Variants in CMIP observed in about 807,000 individuals in gnomAD.
CMIP encodes the protein c-Maf inducing protein, also known as C-Maf-inducing protein.
In CMIP, 13 loss-of-function variants were observed where a neutral mutation model predicts 97.3. The ratio of observed to expected loss-of-function variants is 0.13; its 90% confidence interval spans 0.09 to 0.21. CMIP has a LOEUF of 0.21. Ranked by LOEUF, CMIP falls within the 10% of genes least tolerant of loss-of-function variation. The pLI, the probability that CMIP is intolerant of heterozygous loss-of-function variation, is 1.00. For synonymous variants in CMIP, 538 were observed against 436.3 expected (o/e 1.23, Z -2.91); for missense variants, 847 against 1,024.9 (o/e 0.83, Z 2.37).
At chr16:81,596,527 A>AT (rs1448178797) in intron 1 of CMIP, among the ~76,000 whole-genome samples, 1 of 151,258 alleles carries the variant, frequency 6.6e-6, no homozygotes, top group African/African-American at 2.4e-5. Context: ...AAAAAAAAAA[A>AT]TTTCAATTGG....
intron 18 of CMIP, 96 bp downstream of exon 18, chr16:81,704,181 G>T: frequency 1.2e-6 from 1 of 868,430 alleles, no homozygotes; most frequent in Non-Finnish European, 1.6e-6. Flanking sequence ...TTTCCCCTCA[G>T]CCTCCTCCCT....
chr16:81,706,657 G>C (rs1018078083), intron 19 of CMIP, among the ~76,000 whole-genome samples: 1 of 152,204 alleles, frequency 6.6e-6, no homozygotes, highest in South Asian at 2.1e-4. Context: ...GACGACGGGG[G>C]GACCATCCGG....
In CMIP at chr16:81,652,685, G is replaced by A. The variant is rs1402492323; in HGVS notation, c.639+321G>A. 6.6e-6 allele frequency among the ~76,000 whole-genome samples: 1 copy of A among 152,146 alleles called. No homozygotes were observed. Among genetic ancestry groups the A allele is most frequent in the Non-Finnish European group, 1.5e-5 (1 of 68,020 alleles). On this transcript the variant is annotated intron_variant, in intron 4 of 20. Coordinates refer to ENST00000537098, the MANE Select transcript of CMIP (RefSeq NM_198390.3). The surrounding 1 kb of genome is among the most constrained non-coding windows in gnomAD (Gnocchi z 5.2). ...CCACATGAGCTCCAGGGGTCCAGGG[G>A]GATTCAGCTTTCTGCCCTCGTCACC...
intron 1 of CMIP, among the ~76,000 whole-genome samples, chr16:81,447,474 A>G (rs1597439454): frequency 6.6e-6 from 1 of 152,072 alleles, no homozygotes; most frequent in South Asian, 2.1e-4. Context: ...TCTGAGAGAA[A>G]GAGGGAAGGA....
rs372097543 is a variant in CMIP, at chr16:81,678,506, C to T, written c.1266C>T (p.Asn422=). Residue 422 remains asparagine, a synonymous_variant, in exon 10 of 21, where the codon AAC becomes AAT. Transcript: ENST00000537098. The stretch of plus-strand genomic sequence containing the variant: ...CGGCGCTGACGGCCAGCGCAGGCAA[C>T]GACAGCGAGCCCAACCTCATCGACT... ...AKPALTASAG[N]DSEPNLIDCL... The T allele has an allele frequency of 1.1e-5, 18 of 1,601,044 alleles. No homozygotes were observed. The African/African-American group carries it at 1.3e-4, about 12-fold the overall frequency.
At chr16:81,580,084 G>T (rs2091270171) in intron 1 of CMIP, among the ~76,000 whole-genome samples, 1 of 152,224 alleles carries the variant, frequency 6.6e-6, no homozygotes, top group African/African-American at 2.4e-5. Flanking sequence ...GTGTCTTGGG[G>T]CTCCCAAGAG....
At chr16:81,589,894 T>G (rs2091441140) in intron 1 of CMIP, among the ~76,000 whole-genome samples, 1 of 152,198 alleles carries the variant, frequency 6.6e-6, no homozygotes, top group Non-Finnish European at 1.5e-5. Context: ...TGTACCTCAA[T>G]GGCGTGTGTA....
intron 3 of CMIP, among the ~76,000 whole-genome samples, chr16:81,640,200 A>T (rs2092286700): frequency 6.6e-6 from 1 of 152,010 alleles, no homozygotes; most frequent in Non-Finnish European, 1.5e-5. Flanking sequence ...GGGCTTATGC[A>T]ATCGGGTAAT....
At chr16:81,526,218 T>C (rs1257989006) in intron 1 of CMIP, among the ~76,000 whole-genome samples, 1 of 152,230 alleles carries the variant, frequency 6.6e-6, no homozygotes, top group Non-Finnish European at 1.5e-5. Flanking sequence ...AGCTCCTGAC[T>C]TCCAGGAATT....
chr16:81,660,924 A>G lies in CMIP; in HGVS notation c.722A>G (p.Asp241Gly), dbSNP rs377763174. The G allele has an allele frequency of 1.5e-5, 25 of 1,613,756 alleles. No homozygotes were observed. Among genetic ancestry groups the G allele is most frequent in the Non-Finnish European group, 2.0e-5 (24 of 1,179,874 alleles). ...CTGGAAAACAACCACCCACCACCAG[A>G]TCTCTGTGAATTCTTTTGCAAGGTA... ...PLLENNHPPP[D>G]LCEFFCKHCR... The change falls in exon 6 of 21, where the codon GAT becomes GGT. Residue 241 changes from aspartate (D) to glycine (G), a missense_variant. Transcript: ENST00000537098.
Position 81,551,368 on chromosome 16 carries a change from A to G in CMIP, c.301-56199A>G, listed in dbSNP as rs565390040. On this transcript the variant is annotated intron_variant, in intron 1 of 20. Transcript: ENST00000537098. Reference sequence around the variant, plus strand: ...TTTTCTGATTAGTCACTTCTAGCTAATTAGCAAGTGACAAATGGGACAATA... The same window carrying G: ...TTTTCTGATTAGTCACTTCTAGCTAGTTAGCAAGTGACAAATGGGACAATA... Among the ~76,000 whole-genome samples, 260 of 152,374 alleles carry G rather than the reference A, an allele frequency of 1.7e-3. 1 individual carries two copies. The highest frequency in any genetic ancestry group is 0.01 in the Middle Eastern group (3 of 294).
In CMIP at chr16:81,672,001, G is replaced by A; in HGVS notation, c.965G>A (p.Arg322Gln). The change falls in exon 9 of 21, where the codon CGG becomes CAG. Residue 322 changes from arginine to glutamine, a missense_variant. Transcript: ENST00000537098. ...CCCACAGGGCACTGCCCCCACCCCC[G>A]GGTCCTGCCCAACCTGGTGGCCGTG... The part of the protein sequence containing the change: ...HGPTGHCPHP[R>Q]VLPNLVAVCL... 6.2e-7 allele frequency: 1 copy of A among 1,603,110 alleles called. No individual in the cohort carries two copies. The highest frequency in any genetic ancestry group is 8.5e-7 in the Non-Finnish European group (1 of 1,174,472).
intron 1 of CMIP, among the ~76,000 whole-genome samples, chr16:81,506,354 C>T (rs566529061): frequency 1.3e-5 from 2 of 152,248 alleles, no homozygotes; most frequent in East Asian, 3.9e-4. Context: ...CTTCACAAAG[C>T]CCTGCTGAGA....
At position 81,662,328 on chromosome 16, in the gene CMIP, C is replaced by T. The variant is rs561947831; in HGVS notation, c.744+1382C>T. Among the ~76,000 whole-genome samples, 3 of 152,302 alleles carry T rather than the reference C, an allele frequency of 2.0e-5. No individual in the cohort carries two copies. The South Asian group carries it at 6.2e-4, about 32-fold the overall frequency. ...ACACTTGCCTCACTGTGTTTCCTAC[C>T]TGAGGCTTCACTTGCCTCACTGTGT... is the stretch of plus-strand genomic sequence containing the variant. On this transcript the variant is annotated intron_variant, in intron 6 of 20. Coordinates refer to ENST00000537098, the MANE Select transcript of CMIP (RefSeq NM_198390.3).
intron 13 of CMIP, among the ~76,000 whole-genome samples, chr16:81,694,089 C>T (rs1264832715): frequency 3.3e-5 from 5 of 152,192 alleles, no homozygotes; most frequent in South Asian, 2.1e-4. Flanking sequence ...TGCTGTGCCC[C>T]GGGTCACACA....
intron 13 of CMIP, among the ~76,000 whole-genome samples, chr16:81,694,648 C>T (rs1316051061): frequency 2.0e-5 from 3 of 152,130 alleles, no homozygotes; most frequent in Non-Finnish European, 4.4e-5. Flanking sequence ...AAAGGCAGAC[C>T]CCCCTGCCGC....
Position 81,691,939 on chromosome 16 carries a change from C to T in CMIP, c.1454+99C>T, listed in dbSNP as rs535145486. The T allele has an allele frequency of 2.7e-4, 292 of 1,066,470 alleles. 3 individuals are homozygous for T. Among genetic ancestry groups the T allele is most frequent in the South Asian group, 1.7e-3 (128 of 75,942 alleles). The allele number at this position is 1,066,470 out of a possible 1,614,324, so 66.1% of individuals were successfully genotyped here. ...GGGGGCCAGTCATGTTATGGGGAAG[C>T]GAAGTCACAGCGGGAAGACCCTGGA... is the stretch of plus-strand genomic sequence containing the variant. On this transcript the variant is annotated intron_variant, in intron 11 of 20. Transcript: ENST00000537098.
chr16:81,601,708 C>T (rs531537211), intron 1 of CMIP, among the ~76,000 whole-genome samples: 18 of 152,266 alleles, frequency 1.2e-4, no homozygotes, highest in South Asian at 4.1e-4. Flanking sequence ...CAGAGTTCAC[C>T]GACCCATTCT....
intron 1 of CMIP, among the ~76,000 whole-genome samples, chr16:81,478,333 C>G (rs1002875776): frequency 3.3e-5 from 5 of 152,260 alleles, no homozygotes; most frequent in African/African-American, 1.2e-4. Context: ...GAACAGGGAG[C>G]CGACAGTTCT....
Sources: gnomAD v4.1 joint callset for allele counts (sites outside exome capture counted in the v4.1 genomes callset) on GRCh38, gnomAD v4.1.1 for gene constraint, Gnocchi (gnomAD v3.1) non-coding constraint, MANE v1.5 for transcripts, NCBI Gene and HGNC (gene_info 2026-07-23, HGNC 2026-07-21) for gene names.